The following STAG1 variants were observed in gnomAD, a reference collection of about 807,000 sequenced individuals.
The protein encoded by STAG1 is STAG1 cohesin complex component, also known as cohesin subunit SA-1.
Under a neutral mutation model 170.9 loss-of-function variants are expected in STAG1, and 26 were observed. That is an observed-to-expected ratio of 0.15 (90% confidence interval 0.11 to 0.21). STAG1 has a LOEUF of 0.21. Among genes scored for constraint, STAG1 ranks in the 10% least tolerant of loss-of-function variants. The pLI, the probability that STAG1 is intolerant of heterozygous loss-of-function variation, is 1.00. For missense variants in STAG1, 964 were observed against 1,509.5 expected, an observed-to-expected ratio of 0.64 and a Z score of 5.99; for synonymous variants, 514 against 497.7, an observed-to-expected ratio of 1.03 and a Z score of -0.44.
chr3:136,410,519 C>T (rs111251146), intron 21 of STAG1, among the ~76,000 whole-genome samples: 5 of 152,108 alleles, frequency 3.3e-5, no homozygotes, highest in African/African-American at 1.2e-4. Flanking sequence ...ACAATGAAAA[C>T]AATTAAAAAA....
chr3:136,598,480 G>A (rs1442088799), intron 4 of STAG1, among the ~76,000 whole-genome samples: 1 of 150,232 alleles, frequency 6.7e-6, no homozygotes, highest in Non-Finnish European at 1.5e-5. Flanking sequence ...AGGCTGGAGT[G>A]CAATGGCGCA....
chr3:136,420,497 C>T (rs1173260835), intron 20 of STAG1, among the ~76,000 whole-genome samples: 1 of 152,080 alleles, frequency 6.6e-6, no homozygotes, highest in African/African-American at 2.4e-5. Context: ...TCACACCAGG[C>T]CTAAAATTCC....
At chr3:136,462,726 A>C (rs1049668543) in intron 13 of STAG1, among the ~76,000 whole-genome samples, 1 of 152,200 alleles carries the variant, frequency 6.6e-6, no homozygotes, top group African/African-American at 2.4e-5. Flanking sequence ...TATCCCATTT[A>C]CCTAATTTCA....
chr3:136,574,367 C>T (rs1426914298), intron 4 of STAG1, among the ~76,000 whole-genome samples: 7 of 151,980 alleles, frequency 4.6e-5, no homozygotes, highest in African/African-American at 1.7e-4. Flanking sequence ...CACACACACG[C>T]ACATCCTTGT....
chr3:136,569,682 A>G lies in STAG1; in HGVS notation c.298-821T>C, dbSNP rs2037559. Among the ~76,000 whole-genome samples, 484 of 152,208 alleles carry G rather than the reference A, an allele frequency of 3.2e-3. 16 individuals are homozygous for G. Among genetic ancestry groups the G allele is most frequent in the Admixed American group, 0.028 (422 of 15,304 alleles). ...TAAAGTGATTCAAGAGATTAATAAT[A>G]GGAAAATTTGACAAGGTAGCTGACA... is the stretch of plus-strand genomic sequence containing the variant. On this transcript the variant is annotated intron_variant, in intron 4 of 33. Transcript: ENST00000383202.
In STAG1 at chr3:136,739,213, T is replaced by C. The variant is rs1270127263; in HGVS notation, c.-84+12982A>G. On this transcript the variant is annotated intron_variant, in intron 1 of 33. Coordinates refer to ENST00000383202, the MANE Select transcript of STAG1 (RefSeq NM_005862.3). ...TACTAGCTGTTTGGCCTTGGGACAA[T>C]TAATTTCAAACACTACACACTGGGT... Among the ~76,000 whole-genome samples, 6 of 152,134 alleles carry C rather than the reference T, an allele frequency of 3.9e-5. No homozygotes were observed. In the East Asian group the frequency reaches 1.2e-3, roughly 29 times the overall value.
chr3:136,618,805 CTG>C (rs574395017), intron 3 of STAG1, among the ~76,000 whole-genome samples: 23 of 152,166 alleles, frequency 1.5e-4, no homozygotes, highest in Non-Finnish European at 1.0e-4. Flanking sequence ...ATTTTCATAA[CTG>C]TACTGTGGTT....
At chr3:136,509,916 T>C (rs1035134324) in intron 7 of STAG1, among the ~76,000 whole-genome samples, 5 of 152,242 alleles carry the variant, frequency 3.3e-5, no homozygotes, top group African/African-American at 4.8e-5. Flanking sequence ...TGGAACAAAC[T>C]AGATTTTTAA....
intron 1 of STAG1, among the ~76,000 whole-genome samples, chr3:136,633,709 AAG>A (rs1491565013): frequency 1.4e-4 from 6 of 42,456 alleles, no homozygotes; most frequent in African/African-American, 2.8e-4. Flanking sequence ...ATCAAAAAAA[AAG>A]GGGGGGGGGG....
chr3:136,731,953 T>G (rs1934067155), intron 1 of STAG1, among the ~76,000 whole-genome samples: 1 of 152,072 alleles, frequency 6.6e-6, no homozygotes, highest in African/African-American at 2.4e-5. Flanking sequence ...TCTTCAAAAC[T>G]AATGACTTTC....
chr3:136,691,714 C>T (rs1332303648), intron 1 of STAG1, among the ~76,000 whole-genome samples: 1 of 152,194 alleles, frequency 6.6e-6, no homozygotes, highest in African/African-American at 2.4e-5. Context: ...TTGTGTCTTA[C>T]TAGTTATAAC....
intron 1 of STAG1, among the ~76,000 whole-genome samples, chr3:136,734,495 G>A (rs532039648): frequency 1.3e-5 from 2 of 152,234 alleles, no homozygotes; most frequent in African/African-American, 4.8e-5. Context: ...ATGTTATCTT[G>A]ATTAGAAAAT....
chr3:136,442,704 AC>A (rs879289531), intron 15 of STAG1, among the ~76,000 whole-genome samples: 5 of 151,966 alleles, frequency 3.3e-5, no homozygotes, highest in Non-Finnish European at 7.4e-5. Context: ...AAAAAAAAAA[AC>A]ATTAAGTTAC....
intron 9 of STAG1, among the ~76,000 whole-genome samples, chr3:136,498,430 T>C (rs1295536266): frequency 6.6e-6 from 1 of 150,870 alleles, no homozygotes; most frequent in African/African-American, 2.4e-5. Context: ...ATTCCATTTC[T>C]ATAAAATTCT....
At chr3:136,405,174 A>G (rs761847848) in intron 21 of STAG1, among the ~76,000 whole-genome samples, 5 of 150,364 alleles carry the variant, frequency 3.3e-5, no homozygotes, top group Non-Finnish European at 5.9e-5. Context: ...AATAATCAAT[A>G]TGGCTTTCCC....
intron 26 of STAG1, among the ~76,000 whole-genome samples, chr3:136,361,241 C>G (rs940854059): frequency 3.9e-5 from 6 of 152,138 alleles, no homozygotes; most frequent in Admixed American, 3.9e-4. Flanking sequence ...TGCATTTGTC[C>G]TGAAACTTGC....
intron 26 of STAG1, among the ~76,000 whole-genome samples, chr3:136,361,316 C>T (rs1002319672): frequency 6.6e-6 from 1 of 152,156 alleles, no homozygotes; most frequent in Non-Finnish European, 1.5e-5. Context: ...AACCATTCCC[C>T]TGTTGATAGA....
intron 21 of STAG1, among the ~76,000 whole-genome samples, chr3:136,409,937 T>C (rs1156410416): frequency 1.3e-5 from 2 of 151,172 alleles, no homozygotes; most frequent in African/African-American, 4.9e-5. Flanking sequence ...TTTAAAAAAT[T>C]AGCTGCGGTG....
intron 12 of STAG1, among the ~76,000 whole-genome samples, chr3:136,467,845 A>T (rs1447250518): frequency 6.6e-6 from 1 of 152,226 alleles, no homozygotes; most frequent in African/African-American, 2.4e-5. Context: ...AGAACTCAGG[A>T]TTAAGAAACT....
Sources: gnomAD v4.1 joint callset for allele counts (sites outside exome capture counted in the v4.1 genomes callset) on GRCh38, gnomAD v4.1.1 for gene constraint, MANE v1.5 for transcripts, NCBI Gene and HGNC (gene_info 2026-07-23, HGNC 2026-07-21) for gene names.